The following TTC28 variants were observed in gnomAD, a reference collection of about 807,000 sequenced individuals.
TTC28 encodes tetratricopeptide repeat domain 28.
A neutral mutation model predicts 198.0 loss-of-function variants in TTC28; 61 were observed. The observed-to-expected ratio is 0.31, with a 90% confidence interval of 0.25 to 0.38. The LOEUF is 0.38. Among genes scored for constraint, TTC28 ranks in the 10% least tolerant of loss-of-function variants. The pLI, the probability that TTC28 is intolerant of heterozygous loss-of-function variation, is 1.00. For missense variants in TTC28, 2,678 were observed against 3,164.0 expected (o/e 0.85, Z 3.69); for synonymous variants, 1,171 against 1,297.8 (o/e 0.90, Z 2.10).
intron 12 of TTC28, among the ~76,000 whole-genome samples, chr22:28,090,291 T>G (rs940429384): frequency 6.6e-6 from 1 of 152,102 alleles, no homozygotes; most frequent in Non-Finnish European, 1.5e-5. Context: ...TTTTATATAA[T>G]TACAAAATTT....
chr22:28,366,452 A>G (rs1035203133), intron 2 of TTC28, among the ~76,000 whole-genome samples: 4 of 152,164 alleles, frequency 2.6e-5, no homozygotes, highest in Non-Finnish European at 4.4e-5. Context: ...CTACTTTCTT[A>G]GATCATAGCG....
At chr22:28,182,049 T>A (rs1481296385) in intron 5 of TTC28, among the ~76,000 whole-genome samples, 5 of 151,966 alleles carry the variant, frequency 3.3e-5, no homozygotes, top group East Asian at 1.9e-4. Context: ...GAGTCGAGTT[T>A]GTTTGGGGTT....
chr22:28,593,518 T>C lies in TTC28; in HGVS notation c.381+36034A>G, dbSNP rs143346014. 8.6e-3 allele frequency among the ~76,000 whole-genome samples: 1,308 copies of C among 152,156 alleles called. 12 individuals are homozygous for C. Among genetic ancestry groups the C allele is most frequent in the Non-Finnish European group, 0.013 (868 of 67,998 alleles). ...GTAGGTAGGTAGGTAGGTAGGTAAGTAGGTGGATCGATCAATCAATCGATA... is the reference window on the plus strand; with the variant it reads ...GTAGGTAGGTAGGTAGGTAGGTAAGCAGGTGGATCGATCAATCAATCGATA... On this transcript the variant is annotated intron_variant, in intron 2 of 22. Coordinates refer to ENST00000397906, the MANE Select transcript of TTC28 (RefSeq NM_001145418.2).
intron 2 of TTC28, among the ~76,000 whole-genome samples, chr22:28,355,874 C>T (rs2046070224): frequency 6.6e-6 from 1 of 152,220 alleles, no homozygotes; most frequent in African/African-American, 2.4e-5. Context: ...TCTGCTCCAG[C>T]ACCAGCCCAC....
chr22:28,487,313 A>T (rs1449977930), intron 2 of TTC28, among the ~76,000 whole-genome samples: 1 of 151,986 alleles, frequency 6.6e-6, no homozygotes, highest in East Asian at 1.9e-4. Flanking sequence ...ATACATTTTT[A>T]AAAATCCCTG....
At chr22:28,435,492 A>C (rs767624059) in intron 2 of TTC28, among the ~76,000 whole-genome samples, 1 of 152,238 alleles carries the variant, frequency 6.6e-6, no homozygotes, top group Non-Finnish European at 1.5e-5. Flanking sequence ...TGAGACATAC[A>C]TTGTTATTAA....
intron 2 of TTC28, among the ~76,000 whole-genome samples, chr22:28,574,738 G>A (rs767817308): frequency 6.6e-6 from 1 of 152,086 alleles, no homozygotes; most frequent in Non-Finnish European, 1.5e-5. Context: ...TGAAATGATA[G>A]CTCATTGTAA....
At chr22:28,071,894 C>A (rs1940994893) in intron 12 of TTC28, among the ~76,000 whole-genome samples, 1 of 152,204 alleles carries the variant, frequency 6.6e-6, no homozygotes, top group Non-Finnish European at 1.5e-5. Context: ...TTAGCATAAG[C>A]CTATCAAAAG....
chr22:28,051,801 T>A (rs958612181), intron 12 of TTC28, among the ~76,000 whole-genome samples: 1 of 152,178 alleles, frequency 6.6e-6, no homozygotes, highest in Non-Finnish European at 1.5e-5. Flanking sequence ...ACTCCATGGC[T>A]TCGAAGCCAT....
At chr22:28,627,109 A>AAG (rs139929670) in intron 2 of TTC28, among the ~76,000 whole-genome samples, 9 of 151,982 alleles carry the variant, frequency 5.9e-5, no homozygotes, top group South Asian at 4.1e-4. Context: ...TACAGGTTTA[A>AAG]AGAGAGAGAG....
chr22:28,185,475 T>C (rs1334811702), intron 5 of TTC28, among the ~76,000 whole-genome samples: 2 of 152,152 alleles, frequency 1.3e-5, no homozygotes, highest in Non-Finnish European at 1.5e-5. Context: ...ACACAAATTC[T>C]TACTAAGTAT....
intron 2 of TTC28, among the ~76,000 whole-genome samples, chr22:28,434,208 A>G (rs1306781348): frequency 2.0e-5 from 3 of 152,244 alleles, no homozygotes; most frequent in Non-Finnish European, 4.4e-5. Context: ...ATCATTTAGT[A>G]TAGAAATAAA....
chr22:28,306,738 T>C (rs2145810134), intron 2 of TTC28, 95 bp from the exon 3 acceptor site: 6 of 1,325,416 alleles, frequency 4.5e-6, no homozygotes, highest in Non-Finnish European at 4.2e-6. Context: ...AGAACTAAGA[T>C]TGAGATGTAC....
chr22:28,391,551 T>C (rs2046720587), intron 2 of TTC28, among the ~76,000 whole-genome samples: 1 of 152,200 alleles, frequency 6.6e-6, no homozygotes, highest in Non-Finnish European at 1.5e-5. Flanking sequence ...CTTTTTATTC[T>C]TTTTTCTCTA....
intron 2 of TTC28, among the ~76,000 whole-genome samples, chr22:28,546,082 T>C (rs1055805618): frequency 1.3e-5 from 2 of 152,212 alleles, no homozygotes; most frequent in Non-Finnish European, 2.9e-5. Context: ...TAAGACTTAC[T>C]ATAAAGCTAC....
intron 16 of TTC28, among the ~76,000 whole-genome samples, chr22:27,996,917 G>A (rs1477756623): frequency 1.3e-5 from 2 of 152,232 alleles, no homozygotes; most frequent in Non-Finnish European, 2.9e-5. Context: ...CCAGAACAAA[G>A]TTGTGACTTA....
chr22:28,087,065 G>A (rs564072433), intron 12 of TTC28, among the ~76,000 whole-genome samples: 15 of 152,078 alleles, frequency 9.9e-5, no homozygotes, highest in African/African-American at 1.9e-4. Context: ...GATTCACAGC[G>A]GAATTCTACC....
intron 2 of TTC28, among the ~76,000 whole-genome samples, chr22:28,589,229 T>C (rs984267045): frequency 3.3e-5 from 5 of 152,230 alleles, no homozygotes; most frequent in Non-Finnish European, 7.3e-5. Context: ...TTCTCCCATG[T>C]TAAATAAAAT....
chr22:28,538,062 A>C (rs1249061436), intron 2 of TTC28, among the ~76,000 whole-genome samples: 2 of 152,184 alleles, frequency 1.3e-5, no homozygotes, highest in African/African-American at 2.4e-5. Flanking sequence ...ATACATATCT[A>C]ATTTTAATAT....
Sources: gnomAD v4.1 joint callset for allele counts (sites outside exome capture counted in the v4.1 genomes callset) on GRCh38, gnomAD v4.1.1 for gene constraint, MANE v1.5 for transcripts, NCBI Gene and HGNC (gene_info 2026-07-23, HGNC 2026-07-21) for gene names.